ZRANB2: variants seen among roughly 807,000 people sequenced by gnomAD.
The protein encoded by ZRANB2 is zinc finger RANBP2-type containing 2.
ZRANB2 carries 19 observed loss-of-function variants against 53.4 expected under a neutral mutation model. That is an observed-to-expected ratio of 0.36 (90% CI 0.25 to 0.52). ZRANB2 has a LOEUF of 0.52. Ranked by LOEUF, ZRANB2 falls within the 20% of genes least tolerant of loss-of-function variation. The pLI is 0.93. For missense variants in ZRANB2, 309 were observed against 401.1 expected (o/e 0.77, Z 1.96); for synonymous variants, 145 against 134.8 (o/e 1.08, Z -0.52).
In ZRANB2 at chr1:71,078,744, A is replaced by C. The variant is rs1377051518; in HGVS notation, c.57-36T>G. On this transcript the variant is annotated intron_variant, in intron 1 of 9. Coordinates refer to ENST00000370920, the MANE Select transcript of ZRANB2 (RefSeq NM_203350.3). ...ATTAAAAAGCATTTATAAAAATTTA[A>C]ATTTGTAAAATTTTACATTTTAACT... 4 of 1,558,304 alleles carry C rather than the reference A, an allele frequency of 2.6e-6. No individual in the cohort carries two copies. In the Admixed American group the frequency reaches 6.9e-5, roughly 27 times the overall value.
intron 3 of ZRANB2, 46 bp downstream of exon 3, chr1:71,078,411 T>A (rs779556689): frequency 6.6e-7 from 1 of 1,518,544 alleles, no homozygotes; most frequent in Non-Finnish European, 9.1e-7. Context: ...AGTGGCCAGA[T>A]CTATTATTTT....
At chr1:71,080,321 T>C (rs1456921596) in intron 1 of ZRANB2, among the ~76,000 whole-genome samples, 1 of 152,016 alleles carries the variant, frequency 6.6e-6, no homozygotes, top group African/African-American at 2.4e-5. Flanking sequence ...AAGGGCTGAG[T>C]AGGCAAAAAC....
At chr1:71,068,047 A>G (rs1223676341) in intron 8 of ZRANB2, among the ~76,000 whole-genome samples, 1 of 152,008 alleles carries the variant, frequency 6.6e-6, no homozygotes, top group Non-Finnish European at 1.5e-5. Context: ...TTTTATTTTT[A>G]GTAGACGAGG....
At chr1:71,080,445 C>T (rs547407160) in intron 1 of ZRANB2, among the ~76,000 whole-genome samples, 1 of 151,834 alleles carries the variant, frequency 6.6e-6, no homozygotes, top group African/African-American at 2.4e-5. Context: ...GTAGAGCTTC[C>T]GGAAAAGGGG....
At chr1:71,079,735 A>G (rs112793202) in intron 1 of ZRANB2, among the ~76,000 whole-genome samples, 31 of 152,346 alleles carry the variant, frequency 2.0e-4, no homozygotes, top group African/African-American at 7.5e-4. Flanking sequence ...CATTAAAGAC[A>G]CTGACAAAAG....
chr1:71,069,195 A>T, intron 8 of ZRANB2, 81 bp downstream of exon 8: 1 of 1,158,400 alleles, frequency 8.6e-7, no homozygotes. Flanking sequence ...AAGCAAAATA[A>T]GGGGAAAAAA....
At chr1:71,075,912 G>A (rs1366996348) in intron 4 of ZRANB2, among the ~76,000 whole-genome samples, 1 of 151,664 alleles carries the variant, frequency 6.6e-6, no homozygotes, top group African/African-American at 2.4e-5. Flanking sequence ...AAAGGGGTGG[G>A]GGGGGATAAA....
intron 4 of ZRANB2, among the ~76,000 whole-genome samples, chr1:71,075,917 G>T (rs1333866107): frequency 6.8e-6 from 1 of 147,188 alleles, no homozygotes; most frequent in Non-Finnish European, 1.5e-5. Context: ...GGTGGGGGGG[G>T]ATAAAAGTAG....
chr1:71,080,295 CT>C (rs1661809838), intron 1 of ZRANB2, among the ~76,000 whole-genome samples: 2 of 152,156 alleles, frequency 1.3e-5, no homozygotes, highest in East Asian at 3.9e-4. Context: ...ACGTGCTTCT[CT>C]GCTGCAGGCA....
At chr1:71,065,192 GCATT>G (rs2101038630) in intron 9 of ZRANB2, 55 bp from the exon 10 acceptor site, 1 of 1,390,470 alleles carries the variant, frequency 7.2e-7, no homozygotes, top group South Asian at 1.2e-5. Flanking sequence ...CTAAATCTCA[GCATT>G]CATTCTTAAG....
intron 3 of ZRANB2, among the ~76,000 whole-genome samples, chr1:71,077,266 C>T (rs1204163830): frequency 6.6e-6 from 1 of 152,140 alleles, no homozygotes; most frequent in Non-Finnish European, 1.5e-5. Flanking sequence ...TTCAGATTTT[C>T]AGATTAGGGA....
Position 71,075,890 on chromosome 1 carries a change from G to C in ZRANB2, c.301+905C>G, listed in dbSNP as rs935273119. 3.4e-5 allele frequency among the ~76,000 whole-genome samples: 5 copies of C among 147,174 alleles called. No individual in the cohort carries two copies. In the East Asian group the frequency reaches 1.1e-3, roughly 31 times the overall value. ...TTATAATGTTCTCACATATGAGAATGTAAGTTTTAAAAAAGGGGTGGGGGG... is the reference window on the plus strand; with the variant it reads ...TTATAATGTTCTCACATATGAGAATCTAAGTTTTAAAAAAGGGGTGGGGGG... On this transcript the variant is annotated intron_variant, in intron 4 of 9. Transcript: ENST00000370920.
chr1:71,070,895 C>T lies in ZRANB2; in HGVS notation c.615G>A (p.Lys205=). 6.2e-7 allele frequency: 1 copy of T among 1,610,962 alleles called. No individual in the cohort carries two copies. Among genetic ancestry groups the T allele is most frequent in the Non-Finnish European group, 8.5e-7 (1 of 1,178,492 alleles). Residue 205 remains lysine (K), a synonymous_variant, in exon 7 of 10, where the codon AAG becomes AAA. Transcript: ENST00000370920. ...KKKSNRRSRS[K]SRSSHSRSSS... Reference sequence around the variant, plus strand: ...AAGATCGTGAATGTGAAGATCGAGACTTTGAGCGACTTCGTCTATTAGATT... The same window carrying T: ...AAGATCGTGAATGTGAAGATCGAGATTTTGAGCGACTTCGTCTATTAGATT...
chr1:71,071,808 A>G (rs1238239703), intron 6 of ZRANB2, among the ~76,000 whole-genome samples: 3 of 152,138 alleles, frequency 2.0e-5, no homozygotes, highest in African/African-American at 2.4e-5. Flanking sequence ...CGGCAAAACC[A>G]AAGTTGCTTT....
In ZRANB2 at chr1:71,064,902, C is replaced by T; in HGVS notation, c.*172G>A. On this transcript the variant is annotated 3_prime_UTR_variant, in exon 10 of 10. Transcript: ENST00000370920. ...TTTTGGGACATTATGGCTTAAAATG[C>T]TATTTACTTTTAACTTCACAAATAA... The T allele has an allele frequency of 2.2e-6, 1 of 459,164 alleles. No homozygotes were observed. Among genetic ancestry groups the T allele is most frequent in the Non-Finnish European group, 4.0e-6 (1 of 251,672 alleles). The allele number at this position is 459,164 out of a possible 1,614,324, so 28.4% of individuals were successfully genotyped here.
chr1:71,069,917 C>T (rs574721025), intron 7 of ZRANB2, among the ~76,000 whole-genome samples: 1 of 151,976 alleles, frequency 6.6e-6, no homozygotes, highest in African/African-American at 2.4e-5. Context: ...AGACATGGTT[C>T]GTACAAATTT....
intron 4 of ZRANB2, among the ~76,000 whole-genome samples, chr1:71,073,342 G>T (rs1328789501): frequency 4.6e-5 from 7 of 151,914 alleles, no homozygotes; most frequent in African/African-American, 1.7e-4. Context: ...GGTATGTGTT[G>T]ATCAAGAGTA....
At chr1:71,074,056 T>A (rs1195107736) in intron 4 of ZRANB2, among the ~76,000 whole-genome samples, 1 of 152,092 alleles carries the variant, frequency 6.6e-6, no homozygotes, top group Non-Finnish European at 1.5e-5. Context: ...TGCCGCCACC[T>A]CTCCTAATTA....
chr1:71,077,913 A>G (rs1661744419), intron 3 of ZRANB2, among the ~76,000 whole-genome samples: 1 of 152,198 alleles, frequency 6.6e-6, no homozygotes, highest in African/African-American at 2.4e-5. Context: ...TTTTTGATTT[A>G]GACCTCTTTC....
Sources: gnomAD v4.1 joint callset for allele counts (sites outside exome capture counted in the v4.1 genomes callset) on GRCh38, gnomAD v4.1.1 for gene constraint, MANE v1.5 for transcripts, NCBI Gene and HGNC (gene_info 2026-07-23, HGNC 2026-07-21) for gene names.